WRN: variants seen among roughly 807,000 people sequenced by gnomAD.
WRN encodes bifunctional 3'-5' exonuclease/ATP-dependent helicase WRN.
In WRN, 149 loss-of-function variants were observed where a neutral mutation model predicts 180.7. The ratio of observed to expected loss-of-function variants is 0.82; its 90% CI spans 0.72 to 0.94. The LOEUF is 0.94. WRN is among the 40% of genes least tolerant of loss of function. The probability of loss-of-function intolerance (pLI) is 0.00; values close to 1 mark genes in which losing one functional copy is unlikely to be tolerated. For synonymous variants in WRN, 548 were observed against 568.9 expected, an observed-to-expected ratio of 0.96 and a Z score of 0.52; for missense variants, 1,661 against 1,700.1, an observed-to-expected ratio of 0.98 and a Z score of 0.40.
intron 34 of WRN, among the ~76,000 whole-genome samples, chr8:31,167,460 C>T (rs1803945745): frequency 6.6e-6 from 1 of 152,046 alleles, no homozygotes; most frequent in Non-Finnish European, 1.5e-5. Flanking sequence ...AGAATGTCAG[C>T]TTAAATTTTA....
chr8:31,063,620 C>T (rs1158236414), intron 3 of WRN, among the ~76,000 whole-genome samples: 2 of 152,208 alleles, frequency 1.3e-5, no homozygotes, highest in Non-Finnish European at 2.9e-5. Flanking sequence ...TTAATTTTTA[C>T]CAATCAGATA....
intron 19 of WRN, among the ~76,000 whole-genome samples, chr8:31,114,956 C>T (rs529925064): frequency 9.0e-5 from 13 of 144,462 alleles, no homozygotes; most frequent in South Asian, 2.2e-4. Flanking sequence ...AATGCAGTGG[C>T]GGGATCTTGG....
At chr8:31,122,400 A>G (rs1296575853) in intron 21 of WRN, among the ~76,000 whole-genome samples, 3 of 152,044 alleles carry the variant, frequency 2.0e-5, no homozygotes, top group Non-Finnish European at 2.9e-5. Flanking sequence ...ATCTTATGCC[A>G]TAATTCTATC....
chr8:31,159,831 G>C (rs765892775), intron 33 of WRN, among the ~76,000 whole-genome samples: 1 of 151,520 alleles, frequency 6.6e-6, no homozygotes, highest in Non-Finnish European at 1.5e-5. Context: ...TGTAATCCCA[G>C]CTACTCAGGA....
intron 20 of WRN, 46 bp from the exon 21 acceptor site, chr8:31,120,197 A>T (rs747315984): frequency 2.2e-5 from 35 of 1,609,108 alleles, no homozygotes; most frequent in Admixed American, 1.8e-4. Flanking sequence ...TAAGGTTTTC[A>T]TTCTGCTAAA....
At position 31,154,756 on chromosome 8, in the gene WRN, G is replaced by A. The variant is rs748618811; in HGVS notation, c.3819+1G>A. 10 of 1,613,168 alleles carry A rather than the reference G, an allele frequency of 6.2e-6. No homozygotes were observed. The highest frequency in any genetic ancestry group is 5.3e-5 in the African/African-American group (4 of 74,872). On this transcript the variant is annotated splice_donor_variant, in intron 32 of 34. Coordinates refer to ENST00000298139, the MANE Select transcript of WRN (RefSeq NM_000553.6). LOFTEE classifies it high-confidence loss of function. Reference sequence around the variant, plus strand: ...ATTCCAAGAAAAGAAGATGCCTTTGGTAAGTGTGACTTTCATGTTACAGGG... The same window carrying A: ...ATTCCAAGAAAAGAAGATGCCTTTGATAAGTGTGACTTTCATGTTACAGGG...
rs370136100 is a variant in WRN, at chr8:31,081,186, A to G, written c.1159A>G (p.Met387Val). 38 of 1,613,948 alleles carry G rather than the reference A, an allele frequency of 2.4e-5. No homozygotes were observed. The highest frequency in any genetic ancestry group is 3.1e-5 in the Non-Finnish European group (37 of 1,179,978). Reference sequence around the variant, plus strand: ...AGAAGACAACAAATTGAAAGAGAATATGGAAAGAGCTTGTTTGATGTCGTT... The same window carrying G: ...AGAAGACAACAAATTGAAAGAGAATGTGGAAAGAGCTTGTTTGATGTCGTT... ...GVEDNKLKEN[M>V]ERACLMSLDI... The change falls in exon 9 of 35, where the codon ATG becomes GTG. Residue 387 changes from methionine (M) to valine (V), a missense_variant. Met to Val is a conservative substitution (Grantham distance 21, BLOSUM62 1). Transcript: ENST00000298139.
chr8:31,125,121 G>A, intron 23 of WRN, 121 bp downstream of exon 23: 2 of 934,442 alleles, frequency 2.1e-6, no homozygotes, highest in Non-Finnish European at 1.7e-6. Flanking sequence ...CAATGAATGT[G>A]TTTAGATATG....
At chr8:31,097,096 A>T (rs1465601168) in intron 17 of WRN, among the ~76,000 whole-genome samples, 1 of 152,178 alleles carries the variant, frequency 6.6e-6, no homozygotes, top group East Asian at 1.9e-4. Flanking sequence ...TTCTTCTGCT[A>T]GGCTATAAAC....
intron 24 of WRN, among the ~76,000 whole-genome samples, chr8:31,138,333 G>A (rs2130399305): frequency 6.6e-6 from 1 of 152,146 alleles, no homozygotes; most frequent in East Asian, 1.9e-4. Flanking sequence ...ATTATATTAT[G>A]TATATTTAAA....
intron 18 of WRN, among the ~76,000 whole-genome samples, chr8:31,107,147 G>A (rs1040760338): frequency 6.6e-5 from 10 of 152,174 alleles, no homozygotes; most frequent in African/African-American, 2.4e-4. Context: ...GTATTATGAA[G>A]TGGTACAAAT....
intron 1 of WRN, among the ~76,000 whole-genome samples, chr8:31,035,305 G>A (rs943987064): frequency 1.3e-5 from 2 of 152,092 alleles, no homozygotes; most frequent in Admixed American, 1.3e-4. Flanking sequence ...GGGGGCTGTA[G>A]GGAGCTGCAG....
At chr8:31,172,324 T>TC (rs1294681266) in intron 34 of WRN, among the ~76,000 whole-genome samples, 4 of 152,156 alleles carry the variant, frequency 2.6e-5, no homozygotes, top group African/African-American at 9.7e-5. Flanking sequence ...TATTTTTTTT[T>TC]CAAGGATGTT....
At chr8:31,100,118 A>G (rs542493000) in intron 17 of WRN, among the ~76,000 whole-genome samples, 62 of 152,358 alleles carry the variant, frequency 4.1e-4, no homozygotes, top group African/African-American at 1.5e-3. Context: ...GGACAAAAGC[A>G]CTACTGTTAC....
rs529873512 is a variant in WRN, at chr8:31,142,719, TG to T, written c.3309+19del. The stretch of plus-strand genomic sequence containing the variant: ...AGAAGAAGGTTTGTTTTAAAGAAAT[TG>T]TTCTGATTTATTTCATTCTTTATTG... On this transcript the variant is annotated intron_variant, in intron 27 of 34. Coordinates refer to ENST00000298139, the MANE Select transcript of WRN (RefSeq NM_000553.6). The T allele has an allele frequency of 6.4e-7, 1 of 1,567,284 alleles. No homozygotes were observed.
intron 23 of WRN, among the ~76,000 whole-genome samples, chr8:31,126,050 C>T (rs1180706139): frequency 6.6e-6 from 1 of 151,266 alleles, no homozygotes; most frequent in African/African-American, 2.4e-5. Context: ...GAGAAATCTA[C>T]AGTTACATTT....
intron 11 of WRN, among the ~76,000 whole-genome samples, chr8:31,087,456 T>G (rs1813575673): frequency 6.6e-6 from 1 of 152,224 alleles, no homozygotes. Flanking sequence ...ATCGAAAATA[T>G]TGAGGTGCAA....
At chr8:31,056,089 A>G (rs934538883) in intron 1 of WRN, among the ~76,000 whole-genome samples, 4 of 152,234 alleles carry the variant, frequency 2.6e-5, no homozygotes, top group African/African-American at 9.6e-5. Flanking sequence ...ACATATTTCA[A>G]ATTAAAATGA....
chr8:31,105,062 GT>G, intron 18 of WRN, among the ~76,000 whole-genome samples: 1 of 150,764 alleles, frequency 6.6e-6, no homozygotes, highest in East Asian at 2.0e-4. Flanking sequence ...AGTATCTTTT[GT>G]TAGCTTATCT....
Sources: gnomAD v4.1 joint callset for allele counts (sites outside exome capture counted in the v4.1 genomes callset) on GRCh38, gnomAD v4.1.1 for gene constraint, MANE v1.5 for transcripts, NCBI Gene and HGNC (gene_info 2026-07-23, HGNC 2026-07-21) for gene names.